Variants in RNASEH2B observed in about 807,000 individuals in gnomAD.
RNASEH2B encodes the protein ribonuclease H2 subunit B, also known as Aicardi-Goutieres syndrome 2 protein.
RNASEH2B carries 36 observed loss-of-function variants against 45.0 expected under a neutral mutation model. The observed-to-expected ratio is 0.80, with a 90% CI of 0.61 to 1.06. RNASEH2B has a LOEUF of 1.06. Ranked by LOEUF, RNASEH2B falls within the 50% of genes least tolerant of loss-of-function variation. RNASEH2B has a pLI of 0.00. For missense variants in RNASEH2B, 361 were observed against 360.3 expected, an observed-to-expected ratio of 1.00 and a Z score of -0.02; for synonymous variants, 119 against 125.7, an observed-to-expected ratio of 0.95 and a Z score of 0.35.
intron 9 of RNASEH2B, 143 bp downstream of exon 9, chr13:50,949,648 A>G (rs1258721008): frequency 2.8e-6 from 2 of 724,198 alleles, no homozygotes; most frequent in African/African-American, 3.6e-5. Context: ...TAAAGATTGT[A>G]CTGGGCTCTC....
intron 9 of RNASEH2B, 118 bp from the exon 10 acceptor site, chr13:50,953,787 G>A: frequency 1.4e-6 from 1 of 703,202 alleles, no homozygotes; most frequent in South Asian, 1.6e-5. Context: ...CCTTTGCTGG[G>A]TCTGCTGTCC....
At chr13:50,915,238 C>G in intron 1 of RNASEH2B, 1 of 395,008 alleles carries the variant, frequency 2.5e-6, no homozygotes, top group Non-Finnish European at 4.5e-6. Context: ...TTTTTCCTCC[C>G]CTTCTACTTC....
chr13:50,945,820 C>T (rs1482088543), intron 7 of RNASEH2B, among the ~76,000 whole-genome samples: 4 of 152,144 alleles, frequency 2.6e-5, no homozygotes, highest in Non-Finnish European at 5.9e-5. Flanking sequence ...GTATTGTGTG[C>T]CAGGCCCTTT....
chr13:50,918,811 A>G (rs1459210601), intron 1 of RNASEH2B, among the ~76,000 whole-genome samples: 1 of 152,314 alleles, frequency 6.6e-6, no homozygotes, highest in East Asian at 1.9e-4. Context: ...GGAGGGTCTG[A>G]ATATATTCTG....
Position 50,927,486 on chromosome 13 carries a change from C to A in RNASEH2B, c.136+8C>A. On this transcript the variant is annotated splice_region_variant and intron_variant, in intron 2 of 10. Coordinates refer to ENST00000336617, the MANE Select transcript of RNASEH2B (RefSeq NM_024570.4). Reference sequence around the variant, plus strand: ...TGGTTAACCCCTGTTCAGGTAAGTTCTCTTCTCATAACTTGAATGTTCTTA... The same window carrying A: ...TGGTTAACCCCTGTTCAGGTAAGTTATCTTCTCATAACTTGAATGTTCTTA... 1 of 1,557,026 alleles carries A rather than the reference C, an allele frequency of 6.4e-7. No homozygotes were observed. Among genetic ancestry groups the A allele is most frequent in the African/African-American group, 1.4e-5 (1 of 73,836 alleles).
rs1237024427 is a variant in RNASEH2B, at chr13:50,910,111, G to A, written c.35G>A (p.Gly12Asp). 4.8e-6 allele frequency: 7 copies of A among 1,459,702 alleles called. No individual in the cohort carries two copies. In the African/African-American group the frequency reaches 8.9e-5, roughly 19 times the overall value. 90.4% of individuals were successfully genotyped at this position (1,459,702 alleles called of 1,614,324 possible). A position where few individuals can be genotyped will look rare whatever the true frequency, so the allele number is the denominator to read the frequency against. ...AAGVDCGDGVGARQHVFLVSE... is the reference protein window; with the variant it reads ...AAGVDCGDGVDARQHVFLVSE... ...GGCGTGGACTGCGGGGACGGGGTTG[G>A]CGCCCGGCAGCACGTGTTCCTGGTT... Residue 12 changes from glycine (G) to aspartate (D), a missense_variant, in exon 1 of 11, where the codon GGC becomes GAC. Physicochemically the swap from Gly to Asp is moderately conservative, Grantham distance 94. Transcript: ENST00000336617.
intron 9 of RNASEH2B, chr13:50,953,626 A>T (rs1952003829): frequency 2.1e-6 from 1 of 487,590 alleles, no homozygotes; most frequent in Non-Finnish European, 3.7e-6. Context: ...CCTGGCACCT[A>T]CAAAGCCTGT....
At position 50,940,281 on chromosome 13, in the gene RNASEH2B, G is replaced by A. The variant is rs117314664; in HGVS notation, c.437-3040G>A. Reference sequence around the variant, plus strand: ...CCATGGGAGAATTGACTACATAAGGGTTCCAGGGAACTTTGGGGGATGATG... The same window carrying A: ...CCATGGGAGAATTGACTACATAAGGATTCCAGGGAACTTTGGGGGATGATG... On this transcript the variant is annotated intron_variant, in intron 5 of 10. Coordinates refer to ENST00000336617, the MANE Select transcript of RNASEH2B (RefSeq NM_024570.4). Among the ~76,000 whole-genome samples, 95 of 152,256 alleles carry A rather than the reference G, an allele frequency of 6.2e-4. 2 individuals carry two copies. The South Asian group carries it at 6.8e-3, about 11-fold the overall frequency.
intron 1 of RNASEH2B, among the ~76,000 whole-genome samples, chr13:50,922,966 A>G (rs1566077186): frequency 6.6e-6 from 1 of 152,264 alleles, no homozygotes; most frequent in African/African-American, 2.4e-5. Flanking sequence ...GTTTCACCAG[A>G]TAGAGAATAT....
chr13:50,921,573 TAG>T (rs1295744500), intron 1 of RNASEH2B, among the ~76,000 whole-genome samples: 1 of 152,212 alleles, frequency 6.6e-6, no homozygotes, highest in Non-Finnish European at 1.5e-5. Context: ...TTAACTTTGA[TAG>T]AGTTAATTTA....
intron 1 of RNASEH2B, among the ~76,000 whole-genome samples, chr13:50,913,596 T>A (rs1166300424): frequency 6.6e-6 from 1 of 152,146 alleles, no homozygotes; most frequent in Non-Finnish European, 1.5e-5. Flanking sequence ...GATTAAACAG[T>A]CCTGAGGTGA....
chr13:50,913,622 C>G (rs1052914115), intron 1 of RNASEH2B, among the ~76,000 whole-genome samples: 1 of 152,116 alleles, frequency 6.6e-6, no homozygotes, highest in South Asian at 2.1e-4. Flanking sequence ...CACCTCAACT[C>G]GAATTTTCAG....
intron 2 of RNASEH2B, among the ~76,000 whole-genome samples, chr13:50,928,831 T>C (rs887148392): frequency 6.6e-6 from 1 of 151,742 alleles, no homozygotes; most frequent in African/African-American, 2.4e-5. Flanking sequence ...CATCCTTGTC[T>C]CCAGAGATTG....
At chr13:50,952,404 A>G (rs1951987202) in intron 9 of RNASEH2B, 2 of 151,906 alleles carry the variant, frequency 1.3e-5, no homozygotes, top group Non-Finnish European at 1.5e-5. Context: ...AAATAGAAAC[A>G]TGTATTTTTT....
intron 9 of RNASEH2B, chr13:50,951,687 C>T (rs1028919141): frequency 2.6e-5 from 4 of 152,200 alleles, no homozygotes; most frequent in Non-Finnish European, 5.9e-5. Flanking sequence ...TTCTGAGCCA[C>T]TTCTCTGCTG....
At chr13:50,956,900 A>ATTT (rs377401674), downstream of RNASEH2B, 1,443 of 189,310 alleles carry the variant, frequency 7.6e-3, 5 homozygotes, top group Non-Finnish European at 9.3e-3. Flanking sequence ...TTTTTGGTAA[A>ATTT]TTTTTTTTTT....
downstream of RNASEH2B, among the ~76,000 whole-genome samples, chr13:50,960,702 T>A (rs924484169): frequency 1.3e-5 from 2 of 152,150 alleles, no homozygotes; most frequent in Non-Finnish European, 2.9e-5. Context: ...TCAAATATAG[T>A]TTTCAATTAG....
chr13:50,954,034 T>C, intron 10 of RNASEH2B, 49 bp downstream of exon 10: 1 of 1,106,908 alleles, frequency 9.0e-7, no homozygotes, highest in Non-Finnish European at 1.4e-6. Context: ...CAGTGCGTGA[T>C]GTGCATGAAT....
At chr13:50,910,213 C>A in intron 1 of RNASEH2B, 73 bp downstream of exon 1, 1 of 1,137,394 alleles carries the variant, frequency 8.8e-7, no homozygotes, top group Non-Finnish European at 1.2e-6. Flanking sequence ...GGGCGCGCCG[C>A]CCCCCACCCC....
Sources: gnomAD v4.1 joint callset for allele counts (sites outside exome capture counted in the v4.1 genomes callset) on GRCh38, gnomAD v4.1.1 for gene constraint, MANE v1.5 for transcripts, NCBI Gene and HGNC (gene_info 2026-07-23, HGNC 2026-07-21) for gene names.